The following TLL1 variants were observed in gnomAD, a reference collection of about 807,000 sequenced individuals.
TLL1 encodes tolloid like 1.
In TLL1, 49 loss-of-function variants were observed where a neutral mutation model predicts 128.2. The observed-to-expected ratio is 0.38, with a 90% CI of 0.30 to 0.48. The LOEUF is 0.48. Among genes scored for constraint, TLL1 ranks in the 20% least tolerant of loss-of-function variants. The probability of loss-of-function intolerance (pLI) is 0.96; values close to 1 mark genes in which losing one functional copy is unlikely to be tolerated. For synonymous variants in TLL1, 454 were observed against 418.8 expected, an observed-to-expected ratio of 1.08 and a Z score of -1.03; for missense variants, 1,123 against 1,242.0, an observed-to-expected ratio of 0.90 and a Z score of 1.44.
rs1739755378 is a variant in TLL1, at chr4:166,051,845, G to GC, written c.1525-3227dup. Among the ~76,000 whole-genome samples the GC allele has an allele frequency of 2.6e-5, 4 of 152,170 alleles. No individual in the cohort carries two copies. The South Asian group carries it at 8.3e-4, about 32-fold the overall frequency. ...GCATTCACTGTGTGAGAATGCTGTT[G>GC]CCCCAAATACCAGGTACATATTTAA... On this transcript the variant is annotated intron_variant, in intron 12 of 20. Coordinates refer to ENST00000061240, the MANE Select transcript of TLL1 (RefSeq NM_012464.5).
intron 1 of TLL1, among the ~76,000 whole-genome samples, chr4:165,984,415 T>C (rs1257587591): frequency 6.6e-6 from 1 of 151,942 alleles, no homozygotes; most frequent in African/African-American, 2.4e-5. Context: ...GTCTTACTTT[T>C]CCTTGGGAAT....
intron 1 of TLL1, among the ~76,000 whole-genome samples, chr4:165,944,533 T>A (rs1003187645): frequency 1.3e-5 from 2 of 152,112 alleles, no homozygotes; most frequent in African/African-American, 2.4e-5. Context: ...CCATATTTTT[T>A]AAAAATTGGA....
At chr4:165,899,213 T>G (rs1358914774) in intron 1 of TLL1, among the ~76,000 whole-genome samples, 1 of 152,176 alleles carries the variant, frequency 6.6e-6, no homozygotes, top group African/African-American at 2.4e-5. Context: ...TGTGTCTCTA[T>G]TTCCTTCAGT....
At chr4:165,980,120 A>G (rs537205582) in intron 1 of TLL1, among the ~76,000 whole-genome samples, 2 of 152,262 alleles carry the variant, frequency 1.3e-5, no homozygotes, top group East Asian at 3.9e-4. Context: ...TCCATGTTTA[A>G]CAAGCACTCT....
intron 18 of TLL1, 43 bp from the exon 19 acceptor site, chr4:166,091,085 A>G (rs778688434): frequency 1.4e-6 from 2 of 1,413,108 alleles, no homozygotes; most frequent in Non-Finnish European, 1.9e-6. Flanking sequence ...ATTTTGAGTG[A>G]TTTGTTTTTT....
At position 166,091,157 on chromosome 4, in the gene TLL1, T is replaced by C. The variant is rs753150611; in HGVS notation, c.2472T>C (p.His824=). ...LAFSEFEIEQ[H]QECAYDHLEV... is the part of the protein sequence containing the mutation. ...TTAGTGAATTTGAGATTGAGCAGCA[T>C]CAAGAATGTGCTTATGACCACTTAG... Residue 824 remains histidine, a synonymous_variant, in exon 19 of 21, where the codon CAT becomes CAC. Coordinates refer to ENST00000061240, the MANE Select transcript of TLL1 (RefSeq NM_012464.5). 2 of 1,612,992 alleles carry C rather than the reference T, an allele frequency of 1.2e-6. No homozygotes were observed.
At chr4:166,091,450 T>C (rs1232512890) in intron 19 of TLL1, 109 bp downstream of exon 19, 13 of 928,758 alleles carry the variant, frequency 1.4e-5, no homozygotes, top group Non-Finnish European at 2.0e-5. Flanking sequence ...GCATAGCAGA[T>C]AAAATTTCAC....
intron 9 of TLL1, among the ~76,000 whole-genome samples, chr4:166,034,990 C>G (rs1474687110): frequency 6.6e-6 from 1 of 152,184 alleles, no homozygotes; most frequent in African/African-American, 2.4e-5. Flanking sequence ...GCCCTTTTAT[C>G]AGGGCACTAA....
intron 2 of TLL1, 128 bp from the exon 3 acceptor site, chr4:165,992,676 C>A: frequency 1.2e-6 from 1 of 828,870 alleles, no homozygotes; most frequent in South Asian, 1.5e-5. Flanking sequence ...CATGGATATT[C>A]ATAATTTCAA....
intron 10 of TLL1, 23 bp downstream of exon 10, chr4:166,039,464 T>C (rs1162435334): frequency 1.9e-6 from 3 of 1,550,970 alleles, no homozygotes; most frequent in South Asian, 2.2e-5. Context: ...TTCCCTTTTA[T>C]GTGGCTATGT....
intron 9 of TLL1, among the ~76,000 whole-genome samples, chr4:166,031,959 AAT>A (rs1268972604): frequency 6.6e-6 from 1 of 152,140 alleles, no homozygotes; most frequent in Non-Finnish European, 1.5e-5. Flanking sequence ...TTAGTACTAG[AAT>A]TATCTTCATA....
intron 1 of TLL1, among the ~76,000 whole-genome samples, chr4:165,912,928 T>C (rs1732604860): frequency 6.6e-6 from 1 of 152,194 alleles, no homozygotes; most frequent in African/African-American, 2.4e-5. Flanking sequence ...TGTTTTCTTT[T>C]TCTCATTTTT....
intron 8 of TLL1, among the ~76,000 whole-genome samples, chr4:166,015,445 A>G (rs1737892372): frequency 6.6e-6 from 1 of 152,054 alleles, no homozygotes; most frequent in African/African-American, 2.4e-5. Context: ...AATGATGGAT[A>G]TCTTAATCAT....
intron 2 of TLL1, among the ~76,000 whole-genome samples, chr4:165,989,866 A>C (rs1435275699): frequency 6.6e-6 from 1 of 151,874 alleles, no homozygotes; most frequent in East Asian, 1.9e-4. Context: ...GGAAGTGGCC[A>C]TGTCAGAACC....
intron 18 of TLL1, among the ~76,000 whole-genome samples, chr4:166,089,300 GT>G (rs1338504121): frequency 1.3e-5 from 2 of 152,072 alleles, no homozygotes; most frequent in Non-Finnish European, 2.9e-5. Context: ...GATGTTAGGA[GT>G]GTATATATGT....
At chr4:166,029,587 C>T (rs1387563712) in intron 9 of TLL1, among the ~76,000 whole-genome samples, 2 of 152,028 alleles carry the variant, frequency 1.3e-5, no homozygotes, top group Admixed American at 6.6e-5. Flanking sequence ...AGTATATTCA[C>T]TTTGTTGTGA....
intron 1 of TLL1, among the ~76,000 whole-genome samples, chr4:165,928,816 A>C (rs1733385151): frequency 6.6e-6 from 1 of 152,184 alleles, no homozygotes; most frequent in Non-Finnish European, 1.5e-5. Flanking sequence ...GCTTGTCTTA[A>C]CTTGCGCCTC....
intron 12 of TLL1, among the ~76,000 whole-genome samples, chr4:166,054,530 G>A (rs1579680591): frequency 6.6e-6 from 1 of 151,120 alleles, no homozygotes; most frequent in East Asian, 2.0e-4. Flanking sequence ...TCGTCATCTA[G>A]CATTAGGTAT....
chr4:165,877,777 C>CTTTTTT (rs35301128), intron 1 of TLL1, among the ~76,000 whole-genome samples: 1 of 143,848 alleles, frequency 7.0e-6, no homozygotes, highest in African/African-American at 2.5e-5. Flanking sequence ...CTTCTTCTTT[C>CTTTTTT]TTTTTTTTTT....
Sources: gnomAD v4.1 joint callset for allele counts (sites outside exome capture counted in the v4.1 genomes callset) on GRCh38, gnomAD v4.1.1 for gene constraint, MANE v1.5 for transcripts, NCBI Gene and HGNC (gene_info 2026-07-23, HGNC 2026-07-21) for gene names.